GPR158: variants seen among roughly 807,000 people sequenced by gnomAD.
GPR158 encodes the protein metabotropic glycine receptor.
GPR158 carries 30 observed loss-of-function variants against 78.2 expected under a neutral mutation model. The observed-to-expected ratio is 0.38, with a 90% CI of 0.29 to 0.52. GPR158 has a LOEUF of 0.52. Ranked by LOEUF, GPR158 falls within the 20% of genes least tolerant of loss-of-function variation. The pLI is 0.83. For missense variants in GPR158, 1,463 were observed against 1,523.5 expected, an observed-to-expected ratio of 0.96 and a Z score of 0.66; for synonymous variants, 581 against 591.1, an observed-to-expected ratio of 0.98 and a Z score of 0.25.
At chr10:25,279,140 A>G (rs1854229434) in intron 2 of GPR158, among the ~76,000 whole-genome samples, 1 of 152,122 alleles carries the variant, frequency 6.6e-6, no homozygotes, top group African/African-American at 2.4e-5. Flanking sequence ...GTAAATGACA[A>G]CACTACTACT....
intron 2 of GPR158, among the ~76,000 whole-genome samples, chr10:25,277,727 A>C (rs1288123244): frequency 6.6e-6 from 1 of 152,156 alleles, no homozygotes; most frequent in African/African-American, 2.4e-5. Context: ...TGGACCCTCA[A>C]AGGGGTAGCA....
chr10:25,460,862 G>A (rs144312914), intron 4 of GPR158, among the ~76,000 whole-genome samples: 1,613 of 152,190 alleles, frequency 0.011, 28 homozygotes, highest in African/African-American at 0.036. Flanking sequence ...TGCTCACTTT[G>A]TATCTCTGTG....
At chr10:25,482,833 G>T (rs1160276777) in intron 5 of GPR158, among the ~76,000 whole-genome samples, 1 of 151,982 alleles carries the variant, frequency 6.6e-6, no homozygotes, top group African/African-American at 2.4e-5. Context: ...CACCAAACCT[G>T]CTCTTCCAGC....
chr10:25,522,139 TG>T (rs1260816955), intron 5 of GPR158, among the ~76,000 whole-genome samples: 1 of 152,242 alleles, frequency 6.6e-6, no homozygotes, highest in African/African-American at 2.4e-5. Context: ...CTTAGTCTTT[TG>T]GGGTCTCAGC....
Position 25,601,903 on chromosome 10 carries a change from G to C in GPR158, c.*2629G>C, listed in dbSNP as rs1045803601. The C allele has an allele frequency of 9.2e-5, 14 of 152,720 alleles. No homozygotes were observed. The highest frequency in any genetic ancestry group is 3.1e-4 in the African/African-American group (13 of 41,568). The allele number at this position is 152,720 out of a possible 1,614,324, so 9.5% of individuals were successfully genotyped here. On this transcript the variant is annotated 3_prime_UTR_variant, in exon 11 of 11. Coordinates refer to ENST00000376351, the MANE Select transcript of GPR158 (RefSeq NM_020752.3). Reference sequence around the variant, plus strand: ...GCAAGAATTAAATGCTTTACAACATGAAGTATAACTCAACCCATTGTAAAC... The same window carrying C: ...GCAAGAATTAAATGCTTTACAACATCAAGTATAACTCAACCCATTGTAAAC...
intron 5 of GPR158, among the ~76,000 whole-genome samples, chr10:25,549,976 A>T (rs555488952): frequency 3.9e-4 from 60 of 152,298 alleles, no homozygotes; most frequent in Non-Finnish European, 6.5e-4. Context: ...TCCAGCAAAG[A>T]TTGAGAGTCT....
intron 2 of GPR158, among the ~76,000 whole-genome samples, chr10:25,348,247 G>T (rs1229594868): frequency 1.3e-5 from 2 of 151,764 alleles, no homozygotes; most frequent in Non-Finnish European, 2.9e-5. Flanking sequence ...TGAAAATTTT[G>T]GGTAGGAGGC....
chr10:25,579,145 T>C (rs1003624454), intron 7 of GPR158, among the ~76,000 whole-genome samples: 3 of 152,002 alleles, frequency 2.0e-5, no homozygotes, highest in African/African-American at 4.8e-5. Context: ...ACTGTACGAC[T>C]GTCAGATTTT....
intron 5 of GPR158, among the ~76,000 whole-genome samples, chr10:25,502,809 C>T (rs1284375939): frequency 6.6e-6 from 1 of 152,110 alleles, no homozygotes; most frequent in East Asian, 1.9e-4. Flanking sequence ...TATCACATTC[C>T]TTTCTATAGG....
intron 5 of GPR158, among the ~76,000 whole-genome samples, chr10:25,541,973 A>AT (rs1836593917): frequency 6.8e-6 from 1 of 147,542 alleles, no homozygotes; most frequent in African/African-American, 2.5e-5. Flanking sequence ...TATATATTAT[A>AT]ATTATAAATT....
intron 2 of GPR158, among the ~76,000 whole-genome samples, chr10:25,322,484 G>A (rs919002919): frequency 1.2e-4 from 18 of 152,108 alleles, no homozygotes; most frequent in African/African-American, 4.1e-4. Context: ...AAAAGTCTTT[G>A]TATCTTTACA....
At chr10:25,556,345 A>C (rs1418607990) in intron 6 of GPR158, among the ~76,000 whole-genome samples, 1 of 152,232 alleles carries the variant, frequency 6.6e-6, no homozygotes, top group Non-Finnish European at 1.5e-5. Context: ...AGCAGTTTCA[A>C]AACGGTTTTA....
chr10:25,336,073 T>C (rs1423485170), intron 2 of GPR158, among the ~76,000 whole-genome samples: 4 of 152,072 alleles, frequency 2.6e-5, no homozygotes, highest in African/African-American at 9.7e-5. Context: ...TGAAGATAGA[T>C]CATTGTCATA....
At chr10:25,194,426 C>G (rs1448060022) in intron 1 of GPR158, among the ~76,000 whole-genome samples, 1 of 152,176 alleles carries the variant, frequency 6.6e-6, no homozygotes, top group Non-Finnish European at 1.5e-5. Context: ...GTAGTCCTAG[C>G]TGCTCAGGAG....
intron 1 of GPR158, among the ~76,000 whole-genome samples, chr10:25,209,072 T>C (rs1196930769): frequency 6.6e-6 from 1 of 152,112 alleles, no homozygotes; most frequent in Non-Finnish European, 1.5e-5. Context: ...GCCAGGCTAG[T>C]CTTGAACTCC....
At chr10:25,368,335 A>C (rs947377372) in intron 2 of GPR158, among the ~76,000 whole-genome samples, 3 of 151,878 alleles carry the variant, frequency 2.0e-5, no homozygotes, top group African/African-American at 7.2e-5. Flanking sequence ...AAATATTTGC[A>C]AATTATGCAT....
At chr10:25,574,895 A>AAAAT in intron 7 of GPR158, among the ~76,000 whole-genome samples, 1 of 152,124 alleles carries the variant, frequency 6.6e-6, no homozygotes, top group South Asian at 2.1e-4. Context: ...AAAGAAATAA[A>AAAAT]AAACAAAAAA....
intron 2 of GPR158, among the ~76,000 whole-genome samples, chr10:25,276,989 G>T (rs188350476): frequency 1.3e-5 from 2 of 148,236 alleles, no homozygotes; most frequent in African/African-American, 2.5e-5. Flanking sequence ...TCACTCTGTC[G>T]CCCAGGCTGG....
At position 25,326,610 on chromosome 10, in the gene GPR158, G is replaced by T. The variant is rs543091844; in HGVS notation, c.1009-69301G>T. ...CAGAGGTTGCCAGGAGATAGGGGCT[G>T]GGGAGAAATGTTGGCCAAAAAGTAA... On this transcript the variant is annotated intron_variant, in intron 2 of 10. Coordinates refer to ENST00000376351, the MANE Select transcript of GPR158 (RefSeq NM_020752.3). Among the ~76,000 whole-genome samples, 503 of 152,208 alleles carry T rather than the reference G, an allele frequency of 3.3e-3. 3 individuals are homozygous for T. Among genetic ancestry groups the T allele is most frequent in the African/African-American group, 0.011 (464 of 41,544 alleles).
Sources: gnomAD v4.1 joint callset for allele counts (sites outside exome capture counted in the v4.1 genomes callset) on GRCh38, gnomAD v4.1.1 for gene constraint, MANE v1.5 for transcripts, NCBI Gene and HGNC (gene_info 2026-07-23, HGNC 2026-07-21) for gene names.